The following ERI3 variants were observed in gnomAD, a reference collection of about 807,000 sequenced individuals.
The protein encoded by ERI3 is ERI1 exoribonuclease 3.
In ERI3, 18 loss-of-function variants were observed where a neutral mutation model predicts 44.4. The ratio of observed to expected loss-of-function variants is 0.41; its 90% CI spans 0.28 to 0.60. ERI3 has a LOEUF of 0.60. ERI3 is among the 20% of genes least tolerant of loss of function. ERI3 has a pLI of 0.36. For missense variants in ERI3, 294 were observed against 435.5 expected (o/e 0.68, Z 2.89); for synonymous variants, 183 against 164.8 (o/e 1.11, Z -0.84).
At chr1:44,247,866 G>A (rs545062695) in intron 8 of ERI3, 73 bp downstream of exon 8, 4 of 1,220,344 alleles carry the variant, frequency 3.3e-6, no homozygotes, top group South Asian at 2.8e-5. Context: ...AACTCTCTAT[G>A]TGCCTGGGGA....
intron 6 of ERI3, among the ~76,000 whole-genome samples, chr1:44,301,344 C>T (rs1645722159): frequency 6.6e-6 from 1 of 152,196 alleles, no homozygotes; most frequent in Non-Finnish European, 1.5e-5. Context: ...CTGAGCCAAC[C>T]TTACCCATCA....
intron 8 of ERI3, among the ~76,000 whole-genome samples, chr1:44,234,498 C>T (rs1323061886): frequency 6.6e-6 from 1 of 151,716 alleles, no homozygotes; most frequent in Non-Finnish European, 1.5e-5. Flanking sequence ...CCCATCTCTA[C>T]TAAAAATACA....
At chr1:44,306,818 G>T (rs1234110300) in intron 6 of ERI3, among the ~76,000 whole-genome samples, 1 of 152,224 alleles carries the variant, frequency 6.6e-6, no homozygotes, top group Non-Finnish European at 1.5e-5. Flanking sequence ...TGGACCTCTG[G>T]ACTGGGCCAA....
At position 44,235,042 on chromosome 1, in the gene ERI3, T is replaced by G. The variant is rs1412775212; in HGVS notation, c.931+12897A>C. ...TAGAAACTTTCCTACAAATGTAAAA[T>G]TAATTCAAAGTAAAAAGTTTAAGAG... On this transcript the variant is annotated intron_variant, in intron 8 of 8. Coordinates refer to ENST00000372257, the MANE Select transcript of ERI3 (RefSeq NM_024066.3). This position sits in a 1 kb window ranked among gnomAD's most constrained non-coding sequence, Gnocchi z 4.6. Among the ~76,000 whole-genome samples, 1 of 152,146 alleles carries G rather than the reference T, an allele frequency of 6.6e-6. No individual in the cohort carries two copies. The highest frequency in any genetic ancestry group is 2.4e-5 in the African/African-American group (1 of 41,430).
intron 2 of ERI3, among the ~76,000 whole-genome samples, chr1:44,342,828 T>TATAA (rs1646689872): frequency 5.3e-5 from 1 of 18,770 alleles, no homozygotes; most frequent in Non-Finnish European, 9.9e-5. Flanking sequence ...TATATATATA[T>TATAA]ATATATATAT....
At chr1:44,274,517 C>A (rs1645144338) in intron 7 of ERI3, among the ~76,000 whole-genome samples, 1 of 152,206 alleles carries the variant, frequency 6.6e-6, no homozygotes, top group African/African-American at 2.4e-5. Flanking sequence ...CCAGGCTAGG[C>A]ACTACACCAT....
At chr1:44,278,973 A>G (rs149303818) in intron 7 of ERI3, among the ~76,000 whole-genome samples, 2 of 152,360 alleles carry the variant, frequency 1.3e-5, no homozygotes, top group South Asian at 2.1e-4. Context: ...CATACTAGCT[A>G]CATTTCAAGT....
rs114597981 is a variant in ERI3, at chr1:44,283,968, C to T, written c.831+867G>A. The T allele has an allele frequency of 7.2e-3, 3,376 of 469,338 alleles. 92 individuals carry two copies. The highest frequency in any genetic ancestry group is 0.061 in the African/African-American group (3,056 of 50,056). 29.1% of individuals were successfully genotyped at this position (469,338 alleles called of 1,614,324 possible). A position where few individuals can be genotyped will look rare whatever the true frequency, so the allele number is the denominator to read the frequency against. On this transcript the variant is annotated intron_variant, in intron 7 of 8. Transcript: ENST00000372257. Reference sequence around the variant, plus strand: ...CCCCTTGACCTCTCTCTTCTCTAAGCCCCCTGGGAGCCACTACCTTGACCC... The same window carrying T: ...CCCCTTGACCTCTCTCTTCTCTAAGTCCCCTGGGAGCCACTACCTTGACCC...
At chr1:44,313,892 T>C (rs61771077) in intron 4 of ERI3, among the ~76,000 whole-genome samples, 18,040 of 152,142 alleles carry the variant, frequency 0.12, 1,440 homozygotes, top group Non-Finnish European at 0.17. Context: ...GACTATGACC[T>C]AGAGAATTTC....
chr1:44,255,786 A>G (rs1450111416), intron 7 of ERI3, among the ~76,000 whole-genome samples: 7 of 152,142 alleles, frequency 4.6e-5, no homozygotes, highest in Non-Finnish European at 7.3e-5. Flanking sequence ...GTGGGAGTCA[A>G]TCTTGATTCC....
At chr1:44,224,930 CAAAT>C (rs1275423060) in intron 8 of ERI3, among the ~76,000 whole-genome samples, 1 of 151,980 alleles carries the variant, frequency 6.6e-6, no homozygotes, top group Non-Finnish European at 1.5e-5. Flanking sequence ...GAAGCCTTGA[CAAAT>C]ATATATATAT....
intron 5 of ERI3, 76 bp from the exon 6 acceptor site, chr1:44,308,477 C>T: frequency 9.1e-7 from 1 of 1,096,360 alleles, no homozygotes; most frequent in Admixed American, 1.7e-5. Context: ...CAGCAAAACA[C>T]AGATAAGCTG....
At chr1:44,273,934 A>G (rs926399975) in intron 7 of ERI3, among the ~76,000 whole-genome samples, 2 of 152,222 alleles carry the variant, frequency 1.3e-5, no homozygotes, top group African/African-American at 4.8e-5. Flanking sequence ...ATGTGGAGAT[A>G]GGAATGGTGC....
chr1:44,302,655 T>A (rs1233548723), intron 6 of ERI3, among the ~76,000 whole-genome samples: 1 of 152,148 alleles, frequency 6.6e-6, no homozygotes, highest in Non-Finnish European at 1.5e-5. Context: ...CAAATGAACT[T>A]AACAGTCCAC....
chr1:44,253,769 A>C (rs1019197614), intron 7 of ERI3, among the ~76,000 whole-genome samples: 6 of 152,202 alleles, frequency 3.9e-5, no homozygotes, highest in African/African-American at 1.4e-4. Flanking sequence ...ACCCATGCAG[A>C]GAGAACACAG....
chr1:44,326,980 G>A (rs1202092442), intron 3 of ERI3, among the ~76,000 whole-genome samples: 1 of 152,300 alleles, frequency 6.6e-6, no homozygotes, highest in African/African-American at 2.4e-5. Flanking sequence ...CCTGAGGTGT[G>A]CACACCTGTG....
At chr1:44,283,460 C>A (rs528613045) in intron 7 of ERI3, among the ~76,000 whole-genome samples, 1 of 152,160 alleles carries the variant, frequency 6.6e-6, no homozygotes, top group East Asian at 1.9e-4. Flanking sequence ...AGAAGTGATA[C>A]CTGAGGTGAA....
At chr1:44,335,015 A>G (rs191936865) in intron 3 of ERI3, among the ~76,000 whole-genome samples, 5 of 152,242 alleles carry the variant, frequency 3.3e-5, no homozygotes, top group Admixed American at 2.6e-4. Context: ...ACTGTCATAA[A>G]AACAGAAGTG....
chr1:44,247,464 G>A (rs983858608), intron 8 of ERI3, among the ~76,000 whole-genome samples: 1 of 152,200 alleles, frequency 6.6e-6, no homozygotes, highest in Non-Finnish European at 1.5e-5. Context: ...CCTGTGGACG[G>A]AGTCATCGGT....
Sources: gnomAD v4.1 joint callset for allele counts (sites outside exome capture counted in the v4.1 genomes callset) on GRCh38, gnomAD v4.1.1 for gene constraint, Gnocchi (gnomAD v3.1) non-coding constraint, MANE v1.5 for transcripts, NCBI Gene and HGNC (gene_info 2026-07-23, HGNC 2026-07-21) for gene names.